Variants in FHIP2A observed in about 807,000 individuals in gnomAD.
FHIP2A encodes the protein FHF complex subunit HOOK interacting protein 2A.
Under a neutral mutation model 93.5 loss-of-function variants are expected in FHIP2A, and 46 were observed. The ratio of observed to expected loss-of-function variants is 0.49; its 90% confidence interval spans 0.39 to 0.63. FHIP2A has a LOEUF of 0.63. FHIP2A is among the 20% of genes least tolerant of loss of function. The pLI, the probability that FHIP2A is intolerant of heterozygous loss-of-function variation, is 0.00. For missense variants in FHIP2A, 769 were observed against 909.7 expected (o/e 0.85, Z 1.99); for synonymous variants, 332 against 326.5 (o/e 1.02, Z -0.18).
Position 114,830,918 on chromosome 10 carries a change from A to G in FHIP2A, c.112A>G (p.Ile38Val), listed in dbSNP as rs2083604157. ...YHWKAITHYY[I>V]ETSDDKAPVT... is the part of the protein sequence containing the mutation. ...CTGGAAGGCAATTACCCATTACTAC[A>G]TAGAGACTTCAGGTAAGGAACAATG... Residue 38 changes from isoleucine to valine, a missense_variant, in exon 2 of 17, where the codon ATA becomes GTA. Ile to Val is a conservative substitution (Grantham distance 29, BLOSUM62 3). Transcript: ENST00000369248. 1.9e-6 allele frequency: 3 copies of G among 1,597,438 alleles called. No homozygotes were observed. Among genetic ancestry groups the G allele is most frequent in the South Asian group, 1.1e-5 (1 of 87,898 alleles).
At chr10:114,868,085 G>T (rs934263421), downstream of FHIP2A, among the ~76,000 whole-genome samples, 1 of 151,804 alleles carries the variant, frequency 6.6e-6, no homozygotes, top group African/African-American at 2.4e-5. Flanking sequence ...GTGCCACCAT[G>T]GCCAGCTATT....
At chr10:114,840,142 A>T (rs973791154) in intron 5 of FHIP2A, among the ~76,000 whole-genome samples, 1 of 151,934 alleles carries the variant, frequency 6.6e-6, no homozygotes, top group Admixed American at 6.6e-5. Context: ...TAATCCTAGC[A>T]CTTTGGGAGG....
At chr10:114,856,613 G>A (rs1385199897) in intron 14 of FHIP2A, among the ~76,000 whole-genome samples, 2 of 152,172 alleles carry the variant, frequency 1.3e-5, no homozygotes, top group South Asian at 2.1e-4. Flanking sequence ...TACTAAAAAG[G>A]AATCTAAATT....
intron 16 of FHIP2A, among the ~76,000 whole-genome samples, chr10:114,883,667 C>G (rs113880401): frequency 5.3e-5 from 8 of 152,220 alleles, no homozygotes; most frequent in African/African-American, 1.9e-4. Flanking sequence ...CTGCAACCTC[C>G]GCCTCCCAGG....
Position 114,835,523 on chromosome 10 carries a change from T to C in FHIP2A, c.295-14T>C, listed in dbSNP as rs2083632158. ...TGTTGTTTTCCTGTTGGCTTCCTTT[T>C]TTCCTATACCCAGTGTCCTCCGGGA... On this transcript the variant is annotated splice_polypyrimidine_tract_variant and intron_variant, in intron 3 of 16. Coordinates refer to ENST00000369248, the MANE Select transcript of FHIP2A (RefSeq NM_020940.4). 6.4e-7 allele frequency: 1 copy of C among 1,550,840 alleles called. No individual in the cohort carries two copies.
chr10:114,856,336 T>C (rs535397723), intron 14 of FHIP2A, among the ~76,000 whole-genome samples: 1 of 152,266 alleles, frequency 6.6e-6, no homozygotes, highest in South Asian at 2.1e-4. Flanking sequence ...GCTGTATTTC[T>C]AGTGTTGCTT....
intron 16 of FHIP2A, among the ~76,000 whole-genome samples, chr10:114,877,723 T>A (rs2083896514): frequency 6.6e-6 from 1 of 152,186 alleles, no homozygotes; most frequent in African/African-American, 2.4e-5. Context: ...TTCTATCATG[T>A]TTTCTCCTGC....
chr10:114,894,881 G>T (rs1421935074), intron 16 of FHIP2A, among the ~76,000 whole-genome samples: 1 of 152,160 alleles, frequency 6.6e-6, no homozygotes, highest in Non-Finnish European at 1.5e-5. Flanking sequence ...TTATTTTGGA[G>T]GAGAGAGCTT....
Position 114,835,622 on chromosome 10 carries a change from A to G in FHIP2A, c.380A>G (p.Asn127Ser), listed in dbSNP as rs200174771. Residue 127 changes from asparagine to serine, a missense_variant, in exon 4 of 17, where the codon AAC becomes AGC. Coordinates refer to ENST00000369248, the MANE Select transcript of FHIP2A (RefSeq NM_020940.4). ...RIRQPLLPHI[N>S]VHRPVQKLIR... ...CGGCAGCCACTACTTCCACACATTA[A>G]CGTGCACAGGCCAGTGCAGGTATTT... 2.6e-4 allele frequency: 425 copies of G among 1,611,150 alleles called. No homozygotes were observed. The highest frequency in any genetic ancestry group is 3.5e-4 in the Non-Finnish European group (411 of 1,177,534).
downstream of FHIP2A, among the ~76,000 whole-genome samples, chr10:114,865,374 A>T (rs930975552): frequency 3.7e-4 from 56 of 152,172 alleles, no homozygotes; most frequent in African/African-American, 1.4e-3. Context: ...ACTTAAAACA[A>T]TTAGACTCTA....
Position 114,849,993 on chromosome 10 carries a change from G to A in FHIP2A, c.1803+1256G>A, listed in dbSNP as rs7903505. ...ATGGCTGAATAATATTTTATTGTAC[G>A]GATATTTTGTGTATCTGTCAGTTAA... On this transcript the variant is annotated intron_variant, in intron 13 of 16. Coordinates refer to ENST00000369248, the MANE Select transcript of FHIP2A (RefSeq NM_020940.4). 5.6e-3 allele frequency among the ~76,000 whole-genome samples: 845 copies of A among 152,186 alleles called. 9 individuals carry two copies. Among genetic ancestry groups the A allele is most frequent in the African/African-American group, 0.02 (822 of 41,512 alleles).
intron 1 of FHIP2A, among the ~76,000 whole-genome samples, chr10:114,822,913 C>G (rs2083545587): frequency 6.6e-6 from 1 of 152,310 alleles, no homozygotes; most frequent in Non-Finnish European, 1.5e-5. Context: ...AGACAGTATT[C>G]AAGTATCCTA....
Position 114,864,328 on chromosome 10 carries a change from A to G in FHIP2A, c.*2788A>G. 2.0e-6 allele frequency: 2 copies of G among 985,706 alleles called. No homozygotes were observed. Among genetic ancestry groups the G allele is most frequent in the Non-Finnish European group, 2.4e-6 (2 of 829,786 alleles). 61.1% of individuals were successfully genotyped at this position (985,706 alleles called of 1,614,324 possible). On this transcript the variant is annotated 3_prime_UTR_variant, in exon 17 of 17. Coordinates refer to ENST00000369248, the MANE Select transcript of FHIP2A (RefSeq NM_020940.4). ...GAAGACGTTACAGTGAAGTGCTAAA[A>G]CCACACTATATGGTAATTATATTTT...
chr10:114,869,998 A>G (rs1452456833), intron 16 of FHIP2A, among the ~76,000 whole-genome samples: 1 of 152,212 alleles, frequency 6.6e-6, no homozygotes, highest in Non-Finnish European at 1.5e-5. Context: ...GGAAAAGACT[A>G]GGGAAGTGTA....
chr10:114,827,716 G>C (rs1420695921), intron 1 of FHIP2A, among the ~76,000 whole-genome samples: 1 of 147,106 alleles, frequency 6.8e-6, no homozygotes, highest in African/African-American at 2.5e-5. Context: ...AGAATGGTGT[G>C]AACCCGGGAG....
intron 1 of FHIP2A, among the ~76,000 whole-genome samples, chr10:114,823,384 C>T (rs554224985): frequency 6.6e-6 from 1 of 152,306 alleles, no homozygotes; most frequent in Non-Finnish European, 1.5e-5. Flanking sequence ...TTAGTTTTTA[C>T]TTGCTTATAC....
chr10:114,843,138 G>A lies in FHIP2A; in HGVS notation c.728G>A (p.Ser243Asn). The change falls in exon 6 of 17, where the codon AGT becomes AAT. Residue 243 changes from serine (S) to asparagine (N), a missense_variant. Ser to Asn is a conservative substitution (Grantham distance 46). Transcript: ENST00000369248. The part of the protein sequence containing the change: ...DHLSTSLDNL[S>N]VTSLPEASVV... ...CTGTCCACAAGCTTGGATAACCTCA[G>A]TGTCACCTCACTGCCAGAGGCCTCG... 1.2e-6 allele frequency: 2 copies of A among 1,614,050 alleles called. No homozygotes were observed. The highest frequency in any genetic ancestry group is 1.7e-6 in the Non-Finnish European group (2 of 1,179,948).
Position 114,862,566 on chromosome 10 carries a change from G to A in FHIP2A, c.*1026G>A. The A allele has an allele frequency of 4.1e-6, 4 of 987,204 alleles. No individual in the cohort carries two copies. Among genetic ancestry groups the A allele is most frequent in the Non-Finnish European group, 4.8e-6 (4 of 829,854 alleles). 61.2% of individuals were successfully genotyped at this position (987,204 alleles called of 1,614,324 possible). ...TTCTAAAGAGATTAAAGAAAACAGA[G>A]TTTTAAATGTCCTATTTACATGTTA... On this transcript the variant is annotated 3_prime_UTR_variant, in exon 17 of 17. Transcript: ENST00000369248.
intron 1 of FHIP2A, among the ~76,000 whole-genome samples, chr10:114,830,133 A>G (rs181478841): frequency 1.3e-5 from 2 of 152,322 alleles, no homozygotes; most frequent in Middle Eastern, 3.4e-3. Context: ...ATGTGGAACT[A>G]ATTACATAGC....
Sources: allele counts gnomAD v4.1 joint callset (sites outside exome capture counted in the v4.1 genomes callset), GRCh38; gene constraint gnomAD v4.1.1; transcripts MANE v1.5; gene names NCBI Gene and HGNC (gene_info 2026-07-23, HGNC 2026-07-21).